The following INPP4B variants were observed in gnomAD, a reference collection of about 807,000 sequenced individuals.
INPP4B encodes the protein inositol polyphosphate 4-phosphatase type II.
Under a neutral mutation model 122.5 loss-of-function variants are expected in INPP4B, and 55 were observed. The observed-to-expected ratio is 0.45, with a 90% CI of 0.36 to 0.56. The LOEUF is 0.56. INPP4B is among the 20% of genes least tolerant of loss of function. The pLI is 0.00. For missense variants in INPP4B, 1,000 were observed against 1,097.7 expected, an observed-to-expected ratio of 0.91 and a Z score of 1.26; for synonymous variants, 403 against 388.7, an observed-to-expected ratio of 1.04 and a Z score of -0.43.
chr4:142,529,462 C>T (rs4484375), intron 2 of INPP4B, among the ~76,000 whole-genome samples: 73,535 of 151,754 alleles, frequency 0.48, 19,585 homozygotes, highest in Non-Finnish European at 0.62. Context: ...TTAAAGATAC[C>T]TAGGGGCATG....
chr4:142,229,944 T>C (rs1853428926), intron 12 of INPP4B, among the ~76,000 whole-genome samples: 1 of 152,166 alleles, frequency 6.6e-6, no homozygotes, highest in African/African-American at 2.4e-5. Flanking sequence ...AGAAGCTAAA[T>C]TTTGAACAGA....
At position 142,804,715 on chromosome 4, in the gene INPP4B, G is replaced by T. The variant is rs142016481; in HGVS notation, c.-254+41494C>A. On this transcript the variant is annotated intron_variant, in intron 1 of 25. Transcript: ENST00000262992. Reference sequence around the variant, plus strand: ...ATGGTCTCACTCTGTTACTCAGGCTGGAGTGCAGTGGCACAATCATGGCTC... The same window carrying T: ...ATGGTCTCACTCTGTTACTCAGGCTTGAGTGCAGTGGCACAATCATGGCTC... 9.5e-3 allele frequency among the ~76,000 whole-genome samples: 1,453 copies of T among 152,284 alleles called. 27 individuals are homozygous for T. The highest frequency in any genetic ancestry group is 0.034 in the African/African-American group (1,398 of 41,550).
chr4:142,207,666 G>A (rs1385301286), intron 14 of INPP4B, among the ~76,000 whole-genome samples: 1 of 152,126 alleles, frequency 6.6e-6, no homozygotes, highest in African/African-American at 2.4e-5. Flanking sequence ...TATCATTAAT[G>A]GGCACAGGCA....
chr4:142,633,199 A>G (rs1748367192), intron 2 of INPP4B, among the ~76,000 whole-genome samples: 1 of 152,060 alleles, frequency 6.6e-6, no homozygotes, highest in African/African-American at 2.4e-5. Context: ...AGGAATATAT[A>G]AAATATCTTA....
intron 2 of INPP4B, among the ~76,000 whole-genome samples, chr4:142,557,843 CAG>C (rs959863780): frequency 1.3e-5 from 2 of 152,186 alleles, no homozygotes; most frequent in African/African-American, 2.4e-5. Context: ...TCTGTTCTTG[CAG>C]AGTTTCTAGT....
At chr4:142,185,197 A>AT (rs1832609347) in intron 15 of INPP4B, among the ~76,000 whole-genome samples, 1 of 152,078 alleles carries the variant, frequency 6.6e-6, no homozygotes, top group Non-Finnish European at 1.5e-5. Flanking sequence ...GTTGTCAAGG[A>AT]TTTTCAGGTG....
At chr4:142,523,270 C>A (rs1051420985) in intron 2 of INPP4B, among the ~76,000 whole-genome samples, 2 of 151,950 alleles carry the variant, frequency 1.3e-5, no homozygotes, top group African/African-American at 2.4e-5. Flanking sequence ...TTAACTAGCC[C>A]CCAGATAATT....
At position 142,815,532 on chromosome 4, in the gene INPP4B, T is replaced by TA. The variant is rs904323475; in HGVS notation, c.-254+30676dup. Among the ~76,000 whole-genome samples, 2 of 152,106 alleles carry TA rather than the reference T, an allele frequency of 1.3e-5. 1 individual carries two copies. The highest frequency in any genetic ancestry group is 4.1e-4 in the South Asian group (2 of 4,826). Reference sequence around the variant, plus strand: ...ATTGTGCCACTCAGAGGTTTCCGTCTAAAAAAACAATTACCTTCATGCTAT... The same window carrying TA: ...ATTGTGCCACTCAGAGGTTTCCGTCTAAAAAAAACAATTACCTTCATGCTAT... On this transcript the variant is annotated intron_variant, in intron 1 of 25. Transcript: ENST00000262992.
At chr4:142,650,415 G>A (rs1752686377) in intron 2 of INPP4B, among the ~76,000 whole-genome samples, 1 of 152,020 alleles carries the variant, frequency 6.6e-6, no homozygotes, top group Admixed American at 6.6e-5. Context: ...AAAAGACACA[G>A]ACTGGCAAAT....
intron 6 of INPP4B, among the ~76,000 whole-genome samples, chr4:142,405,002 G>A (rs1206774393): frequency 1.3e-5 from 2 of 151,528 alleles, no homozygotes; most frequent in African/African-American, 2.4e-5. Flanking sequence ...CCAATGCATT[G>A]CTTAATAATC....
chr4:142,200,099 C>T (rs1292362635), intron 14 of INPP4B, among the ~76,000 whole-genome samples: 1 of 151,898 alleles, frequency 6.6e-6, no homozygotes, highest in Non-Finnish European at 1.5e-5. Flanking sequence ...CTCTTCTCCT[C>T]CATTCATTTA....
intron 18 of INPP4B, among the ~76,000 whole-genome samples, chr4:142,144,440 A>G (rs1194546171): frequency 2.0e-5 from 3 of 151,930 alleles, no homozygotes; most frequent in Non-Finnish European, 4.4e-5. Context: ...TTCTTACCTC[A>G]TTTTCTAGAG....
intron 1 of INPP4B, among the ~76,000 whole-genome samples, chr4:142,819,244 C>T (rs1465642746): frequency 6.6e-6 from 1 of 152,106 alleles, no homozygotes; most frequent in Admixed American, 6.6e-5. Context: ...CAAAGACAGA[C>T]CAAAAGCCCT....
chr4:142,479,491 C>T (rs1820222188), intron 2 of INPP4B, among the ~76,000 whole-genome samples: 3 of 152,042 alleles, frequency 2.0e-5, no homozygotes, highest in African/African-American at 4.8e-5. Flanking sequence ...AATTATTCTA[C>T]GATAAACACA....
intron 2 of INPP4B, among the ~76,000 whole-genome samples, chr4:142,640,985 A>C (rs1219597062): frequency 6.6e-6 from 1 of 152,202 alleles, no homozygotes; most frequent in Non-Finnish European, 1.5e-5. Context: ...ATAGGAATAT[A>C]AATCAGTATC....
At chr4:142,163,066 C>G (rs1423387645) in intron 16 of INPP4B, among the ~76,000 whole-genome samples, 1 of 151,756 alleles carries the variant, frequency 6.6e-6, no homozygotes, top group Non-Finnish European at 1.5e-5. Flanking sequence ...AATAAATCAG[C>G]TTGAAAAGAT....
chr4:142,600,086 A>G lies in INPP4B; in HGVS notation c.-191+125753T>C, dbSNP rs375191418. Among the ~76,000 whole-genome samples, 159 of 152,322 alleles carry G rather than the reference A, an allele frequency of 1.0e-3. No homozygotes were observed. The Middle Eastern group carries it at 0.031, about 29-fold the overall frequency. ...CCCCAAAGCAAAGAGAGAAGGGTTCAAAAAACTATTCAACAACATAATAGA... is the reference window on the plus strand; with the variant it reads ...CCCCAAAGCAAAGAGAGAAGGGTTCGAAAAACTATTCAACAACATAATAGA... On this transcript the variant is annotated intron_variant, in intron 2 of 25. Transcript: ENST00000262992.
rs1803042264 is a variant in INPP4B at position 142,405,247 on chromosome 4, C to T, written c.214G>A (p.Glu72Lys). ...LVQISVIHPV[E>K]QSLTRYSSTE... ...CTGGAGTATCTTGTCAGACTCTGCT[C>T]CACGGGGTGGATTACGGAGATCTGC... Residue 72 changes from glutamate (E) to lysine (K), a missense_variant, in exon 6 of 26, where the codon GAG becomes AAG. Physicochemically the swap from Glu to Lys is moderately conservative, Grantham distance 56 (BLOSUM62 1). Coordinates refer to ENST00000262992, the MANE Select transcript of INPP4B (RefSeq NM_001101669.3). 1 of 1,612,814 alleles carries T rather than the reference C, an allele frequency of 6.2e-7. No homozygotes were observed. Among genetic ancestry groups the T allele is most frequent in the Non-Finnish European group, 8.5e-7 (1 of 1,179,402 alleles).
chr4:142,239,166 T>C (rs1178368957), intron 11 of INPP4B, among the ~76,000 whole-genome samples: 1 of 152,102 alleles, frequency 6.6e-6, no homozygotes, highest in Non-Finnish European at 1.5e-5. Context: ...GATCTATTCA[T>C]CCTTTCCTCT....
Sources: gnomAD v4.1 joint callset for allele counts (sites outside exome capture counted in the v4.1 genomes callset) on GRCh38, gnomAD v4.1.1 for gene constraint, MANE v1.5 for transcripts, NCBI Gene and HGNC (gene_info 2026-07-23, HGNC 2026-07-21) for gene names.